CTPS1: variants seen among roughly 807,000 people sequenced by gnomAD.
The protein encoded by CTPS1 is CTP synthase 1, also known as CTP synthetase 1.
CTPS1 carries 25 observed loss-of-function variants against 80.5 expected under a neutral mutation model. That is an observed-to-expected ratio of 0.31 (90% CI 0.23 to 0.43). CTPS1 has a LOEUF of 0.43. CTPS1 is among the 20% of genes least tolerant of loss of function. The pLI, the probability that CTPS1 is intolerant of heterozygous loss-of-function variation, is 1.00. For missense variants in CTPS1, 442 were observed against 725.7 expected, an observed-to-expected ratio of 0.61 and a Z score of 4.49; for synonymous variants, 267 against 252.5, an observed-to-expected ratio of 1.06 and a Z score of -0.54.
In CTPS1 at chr1:41,008,708, A is replaced by T; in HGVS notation, c.1443A>T (p.Arg481=). 3 of 1,614,170 alleles carry T rather than the reference A, an allele frequency of 1.9e-6. No individual in the cohort carries two copies. Among genetic ancestry groups the T allele is most frequent in the Non-Finnish European group, 2.5e-6 (3 of 1,180,016 alleles). Residue 481 remains arginine, a synonymous_variant, in exon 15 of 19, where the codon CGA becomes CGT. Coordinates refer to ENST00000650070, the MANE Select transcript of CTPS1 (RefSeq NM_001905.4). The part of the protein sequence containing the change: ...ADYLEERHRH[R]FEVNPVWKKC... The stretch of plus-strand genomic sequence containing the variant: ...ACTTGGAAGAGAGGCACCGCCACCG[A>T]TTTGAGGTGAGGATTCCAGCTTGCT...
At chr1:41,002,048 G>A (rs904281085) in intron 10 of CTPS1, 112 bp from the exon 11 acceptor site, 8 of 884,870 alleles carry the variant, frequency 9.0e-6, no homozygotes, top group Non-Finnish European at 1.5e-5. Flanking sequence ...GTAGCACAAT[G>A]TATGGGGTTA....
Position 41,003,433 on chromosome 1 carries a change from T to C in CTPS1, c.1252+257T>C, listed in dbSNP as rs544359319. Among the ~76,000 whole-genome samples, 3 of 152,318 alleles carry C rather than the reference T, an allele frequency of 2.0e-5. No individual in the cohort carries two copies. In the South Asian group the frequency reaches 6.2e-4, roughly 32 times the overall value. On this transcript the variant is annotated intron_variant, in intron 12 of 18. Coordinates refer to ENST00000650070, the MANE Select transcript of CTPS1 (RefSeq NM_001905.4). The stretch of plus-strand genomic sequence containing the variant: ...TCCTGTTCTTGAGATTCTGTCACTT[T>C]GATCACCGTGGCCACCATCCTGAAG...
At chr1:40,989,724 C>T (rs1642552946) in intron 5 of CTPS1, among the ~76,000 whole-genome samples, 1 of 152,028 alleles carries the variant, frequency 6.6e-6, no homozygotes, top group Non-Finnish European at 1.5e-5. Context: ...CAAAAATGAC[C>T]TGTCATTACT....
chr1:40,993,205 G>A (rs1011713067), intron 7 of CTPS1, among the ~76,000 whole-genome samples: 1 of 151,320 alleles, frequency 6.6e-6, no homozygotes, highest in East Asian at 2.0e-4. Context: ...CACCTGCCAC[G>A]ATGCCGAGCT....
rs1373601450 is a variant in CTPS1, at chr1:40,982,530, C to T, written c.-13-748C>T. Among the ~76,000 whole-genome samples, 4 of 152,236 alleles carry T rather than the reference C, an allele frequency of 2.6e-5. No individual in the cohort carries two copies. In the South Asian group the frequency reaches 8.3e-4, roughly 32 times the overall value. ...TCAGTCTCCTGAGTAACTGGGACTA[C>T]AGGCGTGCGCCATCACAGCCGGCTA... is the stretch of plus-strand genomic sequence containing the variant. On this transcript the variant is annotated intron_variant, in intron 1 of 18. Coordinates refer to ENST00000650070, the MANE Select transcript of CTPS1 (RefSeq NM_001905.4).
At chr1:40,991,106 CT>C in intron 5 of CTPS1, 58 bp from the exon 6 acceptor site, 1 of 1,266,736 alleles carries the variant, frequency 7.9e-7, no homozygotes. Flanking sequence ...AAAAGTCATA[CT>C]TGAAAATTCC....
chr1:40,998,214 CG>C (rs201989552), intron 9 of CTPS1, among the ~76,000 whole-genome samples: 2,598 of 151,458 alleles, frequency 0.017, 30 homozygotes, highest in South Asian at 0.03. Context: ...CTGGCTAACA[CG>C]GTGAAACCCT....
chr1:40,993,742 T>C (rs1027643966), intron 7 of CTPS1, among the ~76,000 whole-genome samples: 3 of 151,340 alleles, frequency 2.0e-5, no homozygotes, highest in Non-Finnish European at 4.4e-5. Flanking sequence ...ATTTTCTCCC[T>C]ATCTGTGCCT....
intron 12 of CTPS1, chr1:41,004,316 G>C (rs1388383523): frequency 6.6e-6 from 1 of 152,266 alleles, no homozygotes; most frequent in Non-Finnish European, 1.5e-5. Flanking sequence ...TTTAGGGCTG[G>C]GTTTCATTCA....
intron 7 of CTPS1, among the ~76,000 whole-genome samples, chr1:40,993,238 A>G (rs1363964289): frequency 6.6e-6 from 1 of 151,606 alleles, no homozygotes; most frequent in African/African-American, 2.4e-5. Flanking sequence ...TTTAGTAGAA[A>G]TGGTGTTTTG....
chr1:40,992,751 C>T (rs367662696), intron 7 of CTPS1, among the ~76,000 whole-genome samples: 5 of 142,954 alleles, frequency 3.5e-5, no homozygotes, highest in Non-Finnish European at 6.0e-5. Context: ...AGTGCAGTGG[C>T]GCGATCTTTT....
chr1:41,006,986 G>T (rs1173526056), intron 13 of CTPS1, among the ~76,000 whole-genome samples: 1 of 152,194 alleles, frequency 6.6e-6, no homozygotes, highest in Non-Finnish European at 1.5e-5. Context: ...ACGCTGGGCT[G>T]AGAGGTGGAC....
At chr1:41,005,454 CA>C (rs559444655) in intron 12 of CTPS1, among the ~76,000 whole-genome samples, 54 of 135,566 alleles carry the variant, frequency 4.0e-4, no homozygotes, top group South Asian at 1.4e-3. Context: ...AATTCTGTCT[CA>C]AAAAAAAAAA....
intron 11 of CTPS1, among the ~76,000 whole-genome samples, chr1:41,002,684 AT>A (rs1330164295): frequency 6.6e-6 from 1 of 152,140 alleles, no homozygotes; most frequent in East Asian, 1.9e-4. Context: ...GAAAACTTGA[AT>A]TTTAAAGTAC....
chr1:41,003,290 T>C (rs1367645752), intron 12 of CTPS1, 114 bp downstream of exon 12: 2 of 1,115,266 alleles, frequency 1.8e-6, no homozygotes, highest in Non-Finnish European at 2.7e-6. Context: ...CCTGGGTTCC[T>C]AGCACCTCAT....
chr1:40,999,151 G>C (rs1642836026), intron 9 of CTPS1, among the ~76,000 whole-genome samples: 2 of 152,330 alleles, frequency 1.3e-5, no homozygotes, highest in South Asian at 4.1e-4. Flanking sequence ...AGGGACACCA[G>C]GTTGGGTTGG....
chr1:40,985,850 CT>C (rs2148389323), intron 3 of CTPS1, among the ~76,000 whole-genome samples: 1 of 152,234 alleles, frequency 6.6e-6, no homozygotes, highest in African/African-American at 2.4e-5. Context: ...GATTCCTTTT[CT>C]GTAAAATGGA....
intron 9 of CTPS1, 112 bp downstream of exon 9, chr1:40,997,638 G>A (rs962658812): frequency 7.6e-7 from 1 of 1,309,990 alleles, no homozygotes. Flanking sequence ...TACTTTTTAA[G>A]GAATTACTTT....
intron 7 of CTPS1, among the ~76,000 whole-genome samples, chr1:40,995,536 A>G (rs552791740): frequency 6.6e-6 from 1 of 152,168 alleles, no homozygotes; most frequent in African/African-American, 2.4e-5. Flanking sequence ...AGCTGAGACT[A>G]CATGCACATG....
Sources: gnomAD v4.1 joint callset for allele counts (sites outside exome capture counted in the v4.1 genomes callset) on GRCh38, gnomAD v4.1.1 for gene constraint, MANE v1.5 for transcripts, NCBI Gene and HGNC (gene_info 2026-07-23, HGNC 2026-07-21) for gene names.